The following PARD3 variants were observed in gnomAD, a reference collection of about 807,000 sequenced individuals.
The protein encoded by PARD3 is partitioning defective 3 homolog.
Under a neutral mutation model 155.4 loss-of-function variants are expected in PARD3, and 75 were observed. That is an observed-to-expected ratio of 0.48 (90% CI 0.40 to 0.58). The LOEUF is 0.58. Ranked by LOEUF, PARD3 falls within the 20% of genes least tolerant of loss-of-function variation. The pLI, the probability that PARD3 is intolerant of heterozygous loss-of-function variation, is 0.00. For synonymous variants in PARD3, 576 were observed against 610.5 expected (o/e 0.94, Z 0.83); for missense variants, 1,642 against 1,721.7 (o/e 0.95, Z 0.82).
At chr10:34,245,282 G>C (rs11009689) in intron 22 of PARD3, among the ~76,000 whole-genome samples, 15,182 of 152,188 alleles carry the variant, frequency 0.1, 2,282 homozygotes, top group African/African-American at 0.33. Context: ...CATACGTAAC[G>C]GGGGTAGGAA....
At chr10:34,347,932 A>G in intron 15 of PARD3, 33 bp downstream of exon 15, 1 of 1,573,716 alleles carries the variant, frequency 6.4e-7, no homozygotes, top group African/African-American at 1.3e-5. Flanking sequence ...GCATCAAAAT[A>G]AGATGTGATA....
chr10:34,599,169 C>T (rs2089553243), intron 2 of PARD3, among the ~76,000 whole-genome samples: 3 of 152,290 alleles, frequency 2.0e-5, no homozygotes, highest in African/African-American at 2.4e-5. Context: ...CAGCACATTC[C>T]GAAGATGACT....
intron 15 of PARD3, 146 bp from the exon 16 acceptor site, chr10:34,341,962 T>C (rs1836878384): frequency 3.7e-6 from 2 of 543,220 alleles, no homozygotes; most frequent in East Asian, 3.0e-5. Context: ...ATTTAGCACA[T>C]TTATTTTTCA....
intron 1 of PARD3, among the ~76,000 whole-genome samples, chr10:34,753,499 T>C (rs1035641821): frequency 1.3e-5 from 2 of 152,218 alleles, no homozygotes; most frequent in African/African-American, 4.8e-5. Context: ...TCTAAAGACC[T>C]TGCCACATGG....
rs150217392 is a variant in PARD3 at position 34,701,622 on chromosome 10, C to T, written c.121-5203G>A. Reference sequence around the variant, plus strand: ...AACAAGGATGGGAAGGGGCCAGGCACGGTAGTTTATGCCTATACTCCCAGT... The same window carrying T: ...AACAAGGATGGGAAGGGGCCAGGCATGGTAGTTTATGCCTATACTCCCAGT... On this transcript the variant is annotated intron_variant, in intron 1 of 24. Transcript: ENST00000374788. 9.0e-4 allele frequency among the ~76,000 whole-genome samples: 137 copies of T among 152,182 alleles called. 2 individuals are homozygous for T. In the South Asian group the frequency reaches 0.011, roughly 12 times the overall value.
intron 2 of PARD3, among the ~76,000 whole-genome samples, chr10:34,570,335 T>A (rs753187691): frequency 7.2e-5 from 11 of 152,328 alleles, no homozygotes; most frequent in Middle Eastern, 3.4e-3. Flanking sequence ...CATTGAGAAT[T>A]CTAATAGTTA....
chr10:34,628,984 G>A lies in PARD3; in HGVS notation c.222+67334C>T, dbSNP rs917677992. Among the ~76,000 whole-genome samples the A allele has an allele frequency of 4.6e-5, 7 of 152,152 alleles. No individual in the cohort carries two copies. In the South Asian group the frequency reaches 1.0e-3, roughly 23 times the overall value. On this transcript the variant is annotated intron_variant, in intron 2 of 24. Transcript: ENST00000374788. ...GAAAAGCCAAATGGCCTATAAATGG[G>A]TAAAAGAATAGGTCTTTAAGCCCTC...
chr10:34,619,711 A>G (rs1003554116), intron 2 of PARD3, among the ~76,000 whole-genome samples: 1 of 152,160 alleles, frequency 6.6e-6, no homozygotes, highest in African/African-American at 2.4e-5. Flanking sequence ...TATAAATAGC[A>G]TTTTAGGATC....
chr10:34,381,313 A>G (rs927441330), intron 9 of PARD3, among the ~76,000 whole-genome samples: 6 of 152,206 alleles, frequency 3.9e-5, no homozygotes, highest in African/African-American at 9.6e-5. Flanking sequence ...CCATCCAACT[A>G]TAAGAGTTGA....
At chr10:34,798,154 T>C (rs1305193511) in intron 1 of PARD3, among the ~76,000 whole-genome samples, 1 of 130,328 alleles carries the variant, frequency 7.7e-6, no homozygotes, top group Admixed American at 7.6e-5. Flanking sequence ...AACCCATCTC[T>C]ACAAAAAGAA....
chr10:34,709,693 T>C lies in PARD3; in HGVS notation c.121-13274A>G, dbSNP rs1421318451. Among the ~76,000 whole-genome samples, 3 of 152,040 alleles carry C rather than the reference T, an allele frequency of 2.0e-5. No individual in the cohort carries two copies. The South Asian group carries it at 6.2e-4, about 32-fold the overall frequency. ...AGGACTCAGGGGCAGGAGCTGGAATTTGGGGAGAGACTTGTTTGCTGCAGA... is the reference window on the plus strand; with the variant it reads ...AGGACTCAGGGGCAGGAGCTGGAATCTGGGGAGAGACTTGTTTGCTGCAGA... On this transcript the variant is annotated intron_variant, in intron 1 of 24. Coordinates refer to ENST00000374788, the MANE Select transcript of PARD3 (RefSeq NM_001184785.2).
chr10:34,716,790 C>T (rs2094528368), intron 1 of PARD3, among the ~76,000 whole-genome samples: 1 of 151,840 alleles, frequency 6.6e-6, no homozygotes, highest in South Asian at 2.1e-4. Flanking sequence ...CAGGGTTTCT[C>T]CATGTTGGTC....
chr10:34,551,194 G>A (rs528060287), intron 2 of PARD3, among the ~76,000 whole-genome samples: 6 of 152,206 alleles, frequency 3.9e-5, no homozygotes, highest in South Asian at 2.1e-4. Flanking sequence ...TTGCACATCC[G>A]TATGTCAAAG....
chr10:34,284,702 T>C (rs1201397225), intron 20 of PARD3, among the ~76,000 whole-genome samples: 1 of 152,208 alleles, frequency 6.6e-6, no homozygotes, highest in Non-Finnish European at 1.5e-5. Context: ...CCAGGCTTAT[T>C]GGAAACATTC....
intron 1 of PARD3, among the ~76,000 whole-genome samples, chr10:34,787,536 C>T (rs1685386415): frequency 6.6e-6 from 1 of 152,120 alleles, no homozygotes; most frequent in Non-Finnish European, 1.5e-5. Context: ...TACAGCTGGT[C>T]TCAGTAAGGC....
At chr10:34,710,736 C>CT (rs1354496056) in intron 1 of PARD3, among the ~76,000 whole-genome samples, 1 of 152,208 alleles carries the variant, frequency 6.6e-6, no homozygotes, top group African/African-American at 2.4e-5. Flanking sequence ...AAAACAGTGT[C>CT]TGAGACAGAG....
At chr10:34,363,343 T>C (rs550918139) in intron 12 of PARD3, among the ~76,000 whole-genome samples, 1 of 152,198 alleles carries the variant, frequency 6.6e-6, no homozygotes, top group African/African-American at 2.4e-5. Flanking sequence ...TTATAACAAC[T>C]GCAGAATGGG....
chr10:34,368,253 G>C (rs181493494), intron 12 of PARD3, among the ~76,000 whole-genome samples: 19 of 152,236 alleles, frequency 1.2e-4, no homozygotes, highest in Admixed American at 6.5e-5. Flanking sequence ...AAATAAAAAC[G>C]AACAAAGACA....
intron 24 of PARD3, among the ~76,000 whole-genome samples, chr10:34,116,844 G>A (rs950739579): frequency 5.3e-5 from 8 of 152,194 alleles, no homozygotes; most frequent in Non-Finnish European, 1.2e-4. Context: ...AGGCACTAGC[G>A]GTAGCGGCTG....
Sources: gnomAD v4.1 joint callset for allele counts (sites outside exome capture counted in the v4.1 genomes callset) on GRCh38, gnomAD v4.1.1 for gene constraint, MANE v1.5 for transcripts, NCBI Gene and HGNC (gene_info 2026-07-23, HGNC 2026-07-21) for gene names.